The following CHCHD3 variants were observed in gnomAD, a reference collection of about 807,000 sequenced individuals.
CHCHD3 encodes MICOS complex subunit MIC19.
Under a neutral mutation model 38.2 loss-of-function variants are expected in CHCHD3, and 20 were observed. The ratio of observed to expected loss-of-function variants is 0.52; its 90% CI spans 0.37 to 0.76. The LOEUF is 0.76. Ranked by LOEUF, CHCHD3 falls within the 30% of genes least tolerant of loss-of-function variation. CHCHD3 has a pLI of 0.00. For missense variants in CHCHD3, 245 were observed against 279.2 expected, an observed-to-expected ratio of 0.88 and a Z score of 0.87; for synonymous variants, 82 against 100.0, an observed-to-expected ratio of 0.82 and a Z score of 1.07.
At chr7:132,851,459 C>A (rs1351572438) in intron 5 of CHCHD3, among the ~76,000 whole-genome samples, 3 of 152,008 alleles carry the variant, frequency 2.0e-5, no homozygotes, top group East Asian at 3.9e-4. Context: ...GTCTCAAATC[C>A]TTCTATTATT....
At chr7:132,833,683 T>C (rs1319999883) in intron 6 of CHCHD3, among the ~76,000 whole-genome samples, 2 of 152,200 alleles carry the variant, frequency 1.3e-5, no homozygotes, top group African/African-American at 4.8e-5. Context: ...AAACAATCCA[T>C]TAATTCTCAA....
intron 1 of CHCHD3, among the ~76,000 whole-genome samples, chr7:133,071,946 G>C (rs898007089): frequency 6.6e-6 from 1 of 152,150 alleles, no homozygotes; most frequent in Admixed American, 6.5e-5. Context: ...GGTGGGAATA[G>C]GGATTAACTG....
In CHCHD3 at chr7:133,038,451, C is replaced by A. The variant is rs1344163221; in HGVS notation, c.170-13824G>T. ...AGTGTCTCCAAAAGGATATTCATGG[C>A]CATATTGAATACAGGTAGAAAAGAG... On this transcript the variant is annotated intron_variant, in intron 2 of 7. Transcript: ENST00000262570. Among the ~76,000 whole-genome samples the A allele has an allele frequency of 3.3e-5, 5 of 152,088 alleles. No homozygotes were observed. In the East Asian group the frequency reaches 9.6e-4, roughly 29 times the overall value.
At chr7:132,906,135 A>C (rs910691680) in intron 4 of CHCHD3, among the ~76,000 whole-genome samples, 1 of 152,226 alleles carries the variant, frequency 6.6e-6, no homozygotes, top group African/African-American at 2.4e-5. Flanking sequence ...ATACTTCAAA[A>C]CATCACATTG....
chr7:133,028,668 C>T (rs779102894), intron 2 of CHCHD3, among the ~76,000 whole-genome samples: 1 of 152,048 alleles, frequency 6.6e-6, no homozygotes, highest in Non-Finnish European at 1.5e-5. Flanking sequence ...GGGCAGATCA[C>T]GAGGTCAGGA....
At chr7:133,069,280 T>C (rs995160273) in intron 2 of CHCHD3, among the ~76,000 whole-genome samples, 1 of 142,052 alleles carries the variant, frequency 7.0e-6, no homozygotes, top group Admixed American at 7.1e-5. Context: ...GCTCAATTCA[T>C]GTTTACTGAC....
chr7:132,974,884 A>T (rs962166002), intron 4 of CHCHD3, among the ~76,000 whole-genome samples: 2 of 151,998 alleles, frequency 1.3e-5, no homozygotes, highest in Non-Finnish European at 2.9e-5. Context: ...AAAAAAAAAA[A>T]GGAAAGAAAA....
chr7:132,966,088 G>A lies in CHCHD3; in HGVS notation c.369+9081C>T, dbSNP rs189373992. The stretch of plus-strand genomic sequence containing the variant: ...TGCCTGCAGCAATGTAGCTTACCTC[G>A]AATTATTTCAGAATCATCTAAAATG... On this transcript the variant is annotated intron_variant, in intron 4 of 7. Coordinates refer to ENST00000262570, the MANE Select transcript of CHCHD3 (RefSeq NM_017812.4). 4.9e-3 allele frequency among the ~76,000 whole-genome samples: 739 copies of A among 152,184 alleles called. 4 individuals are homozygous for A. Among genetic ancestry groups the A allele is most frequent in the Non-Finnish European group, 7.0e-3 (477 of 68,014 alleles).
intron 5 of CHCHD3, among the ~76,000 whole-genome samples, chr7:132,841,443 A>C (rs1807937898): frequency 6.7e-6 from 1 of 149,156 alleles, no homozygotes; most frequent in Admixed American, 6.7e-5. Context: ...AAAAAAAAAC[A>C]ACCAACCCAA....
chr7:132,990,063 C>G (rs1306432194), intron 3 of CHCHD3, among the ~76,000 whole-genome samples: 1 of 152,050 alleles, frequency 6.6e-6, no homozygotes, highest in African/African-American at 2.4e-5. Flanking sequence ...ATCCCAGCTA[C>G]TGGAGAGGCT....
chr7:132,887,792 C>G lies in CHCHD3; in HGVS notation c.370-2047G>C, dbSNP rs554105343. ...TTAACAAAAATGTAAAATAAAAATA[C>G]TCAATATTGGCAAGGATATAAGAAA... is the stretch of plus-strand genomic sequence containing the variant. On this transcript the variant is annotated intron_variant, in intron 4 of 7. Coordinates refer to ENST00000262570, the MANE Select transcript of CHCHD3 (RefSeq NM_017812.4). Among the ~76,000 whole-genome samples, 192 of 151,832 alleles carry G rather than the reference C, an allele frequency of 1.3e-3. 1 individual carries two copies. Among genetic ancestry groups the G allele is most frequent in the African/African-American group, 4.6e-3 (189 of 41,502 alleles).
rs146912120 is a variant in CHCHD3 at position 133,034,508 on chromosome 7, C to CTTTT, written c.170-9885_170-9882dup. ...AGTCCTTTCAGCAATTGGATCCAGTCTTTTTTTTTTTTTTTTTTTTTTCAA... is the reference window on the plus strand; with the variant it reads ...AGTCCTTTCAGCAATTGGATCCAGTCTTTTTTTTTTTTTTTTTTTTTTTTTTCAA... On this transcript the variant is annotated intron_variant, in intron 2 of 7. Transcript: ENST00000262570. 2,317 of 284,986 alleles carry CTTTT rather than the reference C, an allele frequency of 8.1e-3. 364 individuals are homozygous for CTTTT. Among genetic ancestry groups the CTTTT allele is most frequent in the South Asian group, 9.7e-3 (292 of 30,122 alleles). 17.7% of individuals were successfully genotyped at this position (284,986 alleles called of 1,614,324 possible). A position where few individuals can be genotyped will look rare whatever the true frequency, so the allele number is the denominator to read the frequency against.
At chr7:132,811,306 C>T (rs1164780407) in intron 6 of CHCHD3, among the ~76,000 whole-genome samples, 2 of 152,216 alleles carry the variant, frequency 1.3e-5, no homozygotes, top group East Asian at 3.9e-4. Flanking sequence ...ACAGTGCTAT[C>T]CAACAGTGCT....
intron 2 of CHCHD3, among the ~76,000 whole-genome samples, chr7:133,065,323 A>G (rs1814638047): frequency 6.6e-6 from 1 of 152,190 alleles, no homozygotes; most frequent in African/African-American, 2.4e-5. Context: ...TTAGCAAAAA[A>G]ATTATATTTT....
intron 4 of CHCHD3, among the ~76,000 whole-genome samples, chr7:132,920,002 T>C (rs1037499302): frequency 6.6e-6 from 1 of 152,052 alleles, no homozygotes; most frequent in African/African-American, 2.4e-5. Context: ...TTTTCTTAAG[T>C]GAGAGAAAAA....
chr7:132,900,866 C>T (rs536454625), intron 4 of CHCHD3, among the ~76,000 whole-genome samples: 2 of 152,116 alleles, frequency 1.3e-5, no homozygotes, highest in African/African-American at 4.8e-5. Context: ...TGGTGGGCAC[C>T]TGTGGTCCCA....
At chr7:132,839,479 G>A (rs536154971) in intron 5 of CHCHD3, among the ~76,000 whole-genome samples, 1 of 152,182 alleles carries the variant, frequency 6.6e-6, no homozygotes, top group East Asian at 1.9e-4. Context: ...GACCCCATGA[G>A]CCCTAAGACT....
At chr7:132,984,057 C>T (rs1812000523) in intron 3 of CHCHD3, among the ~76,000 whole-genome samples, 1 of 152,128 alleles carries the variant, frequency 6.6e-6, no homozygotes, top group South Asian at 2.1e-4. Flanking sequence ...CCCATGGTCT[C>T]CCTCTCCCCA....
At chr7:132,795,535 T>C (rs1032922566) in intron 7 of CHCHD3, among the ~76,000 whole-genome samples, 7 of 152,208 alleles carry the variant, frequency 4.6e-5, no homozygotes, top group Non-Finnish European at 1.0e-4. Context: ...CAGATAATAC[T>C]AACCCTCCCG....
Sources: gnomAD v4.1 joint callset for allele counts (sites outside exome capture counted in the v4.1 genomes callset) on GRCh38, gnomAD v4.1.1 for gene constraint, MANE v1.5 for transcripts, NCBI Gene and HGNC (gene_info 2026-07-23, HGNC 2026-07-21) for gene names.